The following GDPD1 variants were observed in gnomAD, a reference collection of about 807,000 sequenced individuals.
GDPD1 encodes glycerophosphodiester phosphodiesterase domain containing 1.
In GDPD1, 28 loss-of-function variants were observed where a neutral mutation model predicts 45.1. The observed-to-expected ratio is 0.62, with a 90% confidence interval of 0.46 to 0.85. The LOEUF (loss-of-function observed/expected upper bound fraction) is 0.85. GDPD1 is among the 40% of genes least tolerant of loss of function. The pLI is 0.00. For missense variants in GDPD1, 256 were observed against 364.8 expected (o/e 0.70, Z 2.43); for synonymous variants, 139 against 131.4 (o/e 1.06, Z -0.40).
At chr17:59,244,090 G>T (rs1037672919) in intron 2 of GDPD1, among the ~76,000 whole-genome samples, 1 of 152,200 alleles carries the variant, frequency 6.6e-6, no homozygotes, top group Non-Finnish European at 1.5e-5. Flanking sequence ...CTTTAGAGCA[G>T]GAATGAAAAG....
intron 8 of GDPD1, among the ~76,000 whole-genome samples, chr17:59,271,796 G>A (rs1207684687): frequency 6.6e-6 from 1 of 151,636 alleles, no homozygotes; most frequent in Non-Finnish European, 1.5e-5. Flanking sequence ...ACCATGCCTG[G>A]TTAGTTTTTG....
chr17:59,272,931 C>T (rs757572596), intron 9 of GDPD1, 95 bp downstream of exon 9: 10 of 1,606,978 alleles, frequency 6.2e-6, no homozygotes, highest in East Asian at 4.5e-5. Flanking sequence ...TTAGTTTGGC[C>T]CTTGACTCTG....
chr17:59,269,797 T>G (rs2047431125), intron 7 of GDPD1, among the ~76,000 whole-genome samples: 1 of 152,166 alleles, frequency 6.6e-6, no homozygotes, highest in Non-Finnish European at 1.5e-5. Flanking sequence ...CACTCCAGCC[T>G]GGGTGACAGA....
chr17:59,254,486 T>A (rs2047281494), intron 4 of GDPD1, among the ~76,000 whole-genome samples: 1 of 151,904 alleles, frequency 6.6e-6, no homozygotes, highest in Non-Finnish European at 1.5e-5. Flanking sequence ...GCTGTGGTCA[T>A]GCTACTGCAC....
chr17:59,234,346 G>C (rs558061587), intron 1 of GDPD1, 146 bp from the exon 2 acceptor site: 84 of 579,864 alleles, frequency 1.4e-4, no homozygotes, highest in Middle Eastern at 4.7e-4. Context: ...GCAAGACTCC[G>C]TCTCAAAAAA....
intron 7 of GDPD1, among the ~76,000 whole-genome samples, chr17:59,268,703 A>G (rs918771897): frequency 2.6e-5 from 4 of 151,754 alleles, no homozygotes; most frequent in African/African-American, 9.7e-5. Flanking sequence ...GACTTGGGGG[A>G]AAAAAATAAA....
intron 3 of GDPD1, among the ~76,000 whole-genome samples, chr17:59,246,593 C>T (rs1032156358): frequency 6.7e-6 from 1 of 148,150 alleles, no homozygotes; most frequent in African/African-American, 2.5e-5. Context: ...CCTGTAATCC[C>T]AGCTATTCAG....
chr17:59,270,245 G>T (rs2147908263), intron 7 of GDPD1, among the ~76,000 whole-genome samples: 1 of 151,366 alleles, frequency 6.6e-6, no homozygotes, highest in South Asian at 2.1e-4. Flanking sequence ...CCAGGCTGGA[G>T]TGCAGTGGCG....
chr17:59,264,731 G>C (rs1301339638), intron 6 of GDPD1, among the ~76,000 whole-genome samples: 1 of 151,958 alleles, frequency 6.6e-6, no homozygotes, highest in Non-Finnish European at 1.5e-5. Context: ...AGTAAGCCAA[G>C]AACATTACAA....
intron 4 of GDPD1, among the ~76,000 whole-genome samples, chr17:59,255,798 T>TAA (rs2047297756): frequency 2.1e-5 from 1 of 47,974 alleles, no homozygotes; most frequent in Non-Finnish European, 3.5e-5. Context: ...CGTATATATG[T>TAA]ATATATATAT....
chr17:59,267,131 C>A lies in GDPD1; in HGVS notation c.667C>A (p.Arg223=), dbSNP rs202142078. The change falls in exon 7 of 10, where the codon CGA becomes AGA. Residue 223 remains arginine, a synonymous_variant. Coordinates refer to ENST00000284116, the MANE Select transcript of GDPD1 (RefSeq NM_182569.4). The part of the protein sequence containing the change: ...FTGLLPFVPI[R]EQFFEIPMPS... ...TGGCCTCTTGCCCTTTGTGCCCATT[C>A]GAGAACAGTTTTTTGAAATCCCAAT... The A allele has an allele frequency of 2.0e-5, 33 of 1,613,862 alleles. No homozygotes were observed. The highest frequency in any genetic ancestry group is 2.6e-5 in the Non-Finnish European group (31 of 1,179,856).
At chr17:59,221,917 ATTC>A (rs1054907710) in intron 1 of GDPD1, among the ~76,000 whole-genome samples, 39 of 152,300 alleles carry the variant, frequency 2.6e-4, no homozygotes, top group Admixed American at 9.2e-4. Context: ...GTACATTATC[ATTC>A]TTCTATATAA....
chr17:59,229,505 G>T (rs914709898), intron 1 of GDPD1, among the ~76,000 whole-genome samples: 1 of 148,636 alleles, frequency 6.7e-6, no homozygotes, highest in Non-Finnish European at 1.5e-5. Flanking sequence ...AATTACAGGC[G>T]TGAGCCACTG....
intron 1 of GDPD1, 79 bp from the exon 2 acceptor site, chr17:59,234,413 A>T: frequency 1.2e-6 from 1 of 838,194 alleles, no homozygotes; most frequent in Non-Finnish European, 2.0e-6. Flanking sequence ...GTCAAGATTC[A>T]TTAGGTGTAT....
At chr17:59,250,353 G>A (rs2047243309) in intron 4 of GDPD1, among the ~76,000 whole-genome samples, 1 of 152,060 alleles carries the variant, frequency 6.6e-6, no homozygotes, top group Non-Finnish European at 1.5e-5. Flanking sequence ...AGATGTGGTG[G>A]CTCACACCTA....
At chr17:59,239,762 G>GTT (rs57499633) in intron 2 of GDPD1, among the ~76,000 whole-genome samples, 4 of 142,774 alleles carry the variant, frequency 2.8e-5, no homozygotes, top group African/African-American at 7.6e-5. Flanking sequence ...AATATGTATA[G>GTT]TTTTTTTTTT....
intron 6 of GDPD1, among the ~76,000 whole-genome samples, chr17:59,266,585 CAT>C (rs1429865705): frequency 6.6e-6 from 1 of 151,972 alleles, no homozygotes; most frequent in Non-Finnish European, 1.5e-5. Context: ...TGATTCATAA[CAT>C]AGCTAAAAGA....
At chr17:59,236,499 G>GT (rs138108356) in intron 2 of GDPD1, among the ~76,000 whole-genome samples, 3,502 of 151,710 alleles carry the variant, frequency 0.023, 142 homozygotes, top group African/African-American at 0.081. Context: ...TGTTGTTGTT[G>GT]TTGTTTGTTT....
intron 1 of GDPD1, among the ~76,000 whole-genome samples, chr17:59,226,599 T>C (rs1306143294): frequency 6.6e-6 from 1 of 152,210 alleles, no homozygotes; most frequent in African/African-American, 2.4e-5. Flanking sequence ...AAAAATTTAA[T>C]ACAAATATGT....
Sources: allele counts gnomAD v4.1 joint callset (sites outside exome capture counted in the v4.1 genomes callset), GRCh38; gene constraint gnomAD v4.1.1; transcripts MANE v1.5; gene names NCBI Gene and HGNC (gene_info 2026-07-23, HGNC 2026-07-21).